The following LY6S variants were observed in gnomAD, a reference collection of about 807,000 sequenced individuals.
The protein encoded by LY6S is lymphocyte antigen 6 family member S.
chr8:143,044,848 C>T, the LY6S span: 3 of 1,337,186 alleles, frequency 2.2e-6, no homozygotes, highest in African/African-American at 1.5e-5. Context: ...CCAGGACATA[C>T]ACCAATGCCC....
chr8:143,050,923 G>C, the LY6S span, among the ~76,000 whole-genome samples: 1 of 152,256 alleles, frequency 6.6e-6, no homozygotes, highest in African/African-American at 2.4e-5. Flanking sequence ...CCCGGCTCGG[G>C]GTCGGGGAAA....
At chr8:143,049,903 A>G in the LY6S span, among the ~76,000 whole-genome samples, 1 of 147,032 alleles carries the variant, frequency 6.8e-6, no homozygotes, top group Non-Finnish European at 1.5e-5. Flanking sequence ...ATCTAATCCA[A>G]TGGAAGCAAA....
the LY6S span, chr8:143,043,177 G>C: frequency 2.1e-5 from 29 of 1,367,894 alleles, no homozygotes; most frequent in Non-Finnish European, 2.5e-5. Flanking sequence ...TGTACGCACA[G>C]GGCCCAGGGG....
chr8:143,056,226 A>G, the LY6S span, among the ~76,000 whole-genome samples: 1 of 146,438 alleles, frequency 6.8e-6, no homozygotes, highest in Non-Finnish European at 1.5e-5. Flanking sequence ...ACCGGCAACT[A>G]GATCCTAAAA....
At chr8:143,050,477 G>A in the LY6S span, among the ~76,000 whole-genome samples, 1,967 of 151,774 alleles carry the variant, frequency 0.013, 30 homozygotes, top group East Asian at 0.068. Context: ...CAGCTTGCCC[G>A]GCCCCAAAAC....
the LY6S span, among the ~76,000 whole-genome samples, chr8:143,046,501 C>A: frequency 2.0e-5 from 3 of 151,186 alleles, no homozygotes; most frequent in Admixed American, 2.0e-4. Context: ...TGGCATGAAC[C>A]CGGGAGGCAG....
At chr8:143,072,358 T>C in the LY6S span, among the ~76,000 whole-genome samples, 2 of 137,152 alleles carry the variant, frequency 1.5e-5, no homozygotes, top group Non-Finnish European at 3.1e-5. Context: ...GGTTCCTGTT[T>C]GAGGAGACAG....
At chr8:143,054,543 A>G in the LY6S span, among the ~76,000 whole-genome samples, 1 of 152,190 alleles carries the variant, frequency 6.6e-6, no homozygotes, top group Non-Finnish European at 1.5e-5. Context: ...CTTTTGTAGC[A>G]CAAATTTCAC....
the LY6S span, among the ~76,000 whole-genome samples, chr8:143,067,018 G>A: frequency 3.9e-5 from 6 of 152,172 alleles, no homozygotes; most frequent in South Asian, 2.1e-4. Context: ...TGTTTGGATC[G>A]TTGGGGTGGG....
the LY6S span, among the ~76,000 whole-genome samples, chr8:143,072,451 A>G: frequency 0.015 from 767 of 50,406 alleles, 13 homozygotes; most frequent in East Asian, 0.055. Context: ...CGTCCTCGGG[A>G]TTCCTGTTTG....
At chr8:143,072,405 G>T in the LY6S span, among the ~76,000 whole-genome samples, 47 of 122,444 alleles carry the variant, frequency 3.8e-4, 1 homozygote, top group African/African-American at 1.7e-3. Context: ...GGAGACAGCC[G>T]TCGTCCTCGT....
At chr8:143,041,818 CGTCCACCCAGACT>C in the LY6S span, among the ~76,000 whole-genome samples, 1 of 152,350 alleles carries the variant, frequency 6.6e-6, no homozygotes, top group South Asian at 2.1e-4. Context: ...TGACAATAGC[CGTCCACCCAGACT>C]GTTCTGAGCC....
chr8:143,044,732 G>A, the LY6S span: 8 of 1,367,470 alleles, frequency 5.9e-6, no homozygotes, highest in African/African-American at 1.5e-5. Flanking sequence ...TCCAGGAAGG[G>A]GCACGAGACC....
chr8:143,042,077 AGGGCGTTCTCAGCCCAGCCCT>A, the LY6S span, among the ~76,000 whole-genome samples: 1 of 81,178 alleles, frequency 1.2e-5, no homozygotes, highest in Admixed American at 1.3e-4. Context: ...CCGTCCACCC[AGGGCGTTCTCAGCCCAGCCCT>A]GACTCCAGGC....
At chr8:143,061,634 T>C in the LY6S span, among the ~76,000 whole-genome samples, 16 of 152,194 alleles carry the variant, frequency 1.1e-4, no homozygotes, top group Admixed American at 9.8e-4. Flanking sequence ...AAACTCCACC[T>C]CCCGGGTTCA....
chr8:143,043,275 A>AG, the LY6S span: 3 of 1,351,254 alleles, frequency 2.2e-6, no homozygotes, highest in Non-Finnish European at 3.0e-6. Context: ...AAGTTTCAGC[A>AG]GGGGGAATCC....
chr8:143,066,604 G>T, the LY6S span: 1 of 247,302 alleles, frequency 4.0e-6, no homozygotes, highest in South Asian at 5.2e-5. Context: ...GGCATAGACC[G>T]GAAAGAGGAC....
At chr8:143,072,383 A>C in the LY6S span, among the ~76,000 whole-genome samples, 1 of 47,586 alleles carries the variant, frequency 2.1e-5, no homozygotes, top group African/African-American at 1.1e-4. Flanking sequence ...CGTCCTCGGG[A>C]TTCCTCTTTG....
At chr8:143,065,116 C>T in the LY6S span, among the ~76,000 whole-genome samples, 8 of 152,182 alleles carry the variant, frequency 5.3e-5, no homozygotes, top group Non-Finnish European at 1.2e-4. Context: ...ATGTTGTCAT[C>T]GTGGGAACAC....
Sources: gnomAD v4.1 joint callset for allele counts (sites outside exome capture counted in the v4.1 genomes callset) on GRCh38, gnomAD v4.1.1 for gene constraint, MANE v1.5 for transcripts, NCBI Gene and HGNC (gene_info 2026-07-23, HGNC 2026-07-21) for gene names.